The following SCLY variants were observed in gnomAD, a reference collection of about 807,000 sequenced individuals.
SCLY encodes the protein selenocysteine lyase, also known as putative selenocysteine lyase.
In SCLY, 38 loss-of-function variants were observed where a neutral mutation model predicts 50.1. That is an observed-to-expected ratio of 0.76 (90% CI 0.59 to 0.99). The LOEUF (loss-of-function observed/expected upper bound fraction) is 0.99, where lower values mean the gene tolerates loss of function less well. SCLY is among the 50% of genes least tolerant of loss of function. The pLI, the probability that SCLY is intolerant of heterozygous loss-of-function variation, is 0.00. For synonymous variants in SCLY, 243 were observed against 249.4 expected (o/e 0.97, Z 0.24); for missense variants, 600 against 620.0 (o/e 0.97, Z 0.34).
Position 238,069,238 on chromosome 2 carries a change from G to A in SCLY, c.304-59G>A, listed in dbSNP as rs1035373388. On this transcript the variant is annotated intron_variant, in intron 3 of 11. Transcript: ENST00000254663. This position sits in a 1 kb window ranked among gnomAD's most constrained non-coding sequence, Gnocchi z 5.0. ...AAGAAATTAAGTAACAGAAATTGTT[G>A]CTCTGACCCTTACCTCAGCACAGTT... The A allele has an allele frequency of 1.4e-5, 21 of 1,485,736 alleles. No homozygotes were observed. The African/African-American group carries it at 2.8e-4, about 20-fold the overall frequency. 92.0% of individuals were successfully genotyped at this position (1,485,736 alleles called of 1,614,324 possible).
Position 238,098,672 on chromosome 2 carries a change from C to CATGGGACCGCCCACATAGGA in SCLY, c.*317_*318insATGGGACCGCCCACATAGGA. On this transcript the variant is annotated 3_prime_UTR_variant, in exon 12 of 12. Coordinates refer to ENST00000254663, the MANE Select transcript of SCLY (RefSeq NM_016510.7). ...GGGACCGCCCACATAGAACCGTCCT[C>CATGGGACCGCCCACATAGGA]CAGTGGTGAAGCGGAAACACTTAGC... is the stretch of plus-strand genomic sequence containing the variant. 1 of 422,800 alleles carries CATGGGACCGCCCACATAGGA rather than the reference C, an allele frequency of 2.4e-6. No homozygotes were observed. Among genetic ancestry groups the CATGGGACCGCCCACATAGGA allele is most frequent in the Non-Finnish European group, 4.1e-6 (1 of 241,954 alleles). 26.2% of individuals were successfully genotyped at this position (422,800 alleles called of 1,614,324 possible).
intron 2 of SCLY, among the ~76,000 whole-genome samples, chr2:238,065,660 T>TTTATTA (rs61131460): frequency 0.028 from 4,058 of 143,464 alleles, 177 homozygotes; most frequent in African/African-American, 0.094. Flanking sequence ...AATATTTTAT[T>TTTATTA]TTATTATTAT....
At chr2:238,071,439 T>C (rs2065126585) in intron 4 of SCLY, among the ~76,000 whole-genome samples, 1 of 152,078 alleles carries the variant, frequency 6.6e-6, no homozygotes, top group Non-Finnish European at 1.5e-5. Flanking sequence ...ACCCCGTCTC[T>C]ACTAAAAATA....
chr2:238,094,671 A>C lies in SCLY; in HGVS notation c.1108+149A>C, dbSNP rs1390607153. On this transcript the variant is annotated intron_variant, in intron 10 of 11. Coordinates refer to ENST00000254663, the MANE Select transcript of SCLY (RefSeq NM_016510.7). ...GGGCCTTGCTGGGGTTGCCAAGAGC[A>C]GGCTCGGGTGGCTGTGCTGTGGTCC... is the stretch of plus-strand genomic sequence containing the variant. 2.0e-5 allele frequency: 13 copies of C among 665,208 alleles called. No homozygotes were observed. The East Asian group carries it at 3.5e-4, about 18-fold the overall frequency. The allele number at this position is 665,208 out of a possible 1,614,324, so 41.2% of individuals were successfully genotyped here. A position where few individuals can be genotyped will look rare whatever the true frequency, so the allele number is the denominator to read the frequency against.
In SCLY at chr2:238,067,754, C is replaced by T. The variant is rs2065083766; in HGVS notation, c.203-311C>T. Among the ~76,000 whole-genome samples, 1 of 152,254 alleles carries T rather than the reference C, an allele frequency of 6.6e-6. No homozygotes were observed. Among genetic ancestry groups the T allele is most frequent in the Non-Finnish European group, 1.5e-5 (1 of 68,042 alleles). On this transcript the variant is annotated intron_variant, in intron 2 of 11. Coordinates refer to ENST00000254663, the MANE Select transcript of SCLY (RefSeq NM_016510.7). This position sits in a 1 kb window ranked among gnomAD's most constrained non-coding sequence, Gnocchi z 4.3. ...GCAGATGGCCACAGCTGCCCTCCCTCTAGCATCCAGTAAGAAGAAAGCCAC... is the reference window on the plus strand; with the variant it reads ...GCAGATGGCCACAGCTGCCCTCCCTTTAGCATCCAGTAAGAAGAAAGCCAC...
chr2:238,092,699 A>C (rs533701410), intron 8 of SCLY: 5 of 152,808 alleles, frequency 3.3e-5, no homozygotes, highest in African/African-American at 1.2e-4. Flanking sequence ...CAGCCACAGC[A>C]CCACACCCCC....
chr2:238,083,856 C>T lies in SCLY; in HGVS notation c.884+502C>T, dbSNP rs1346934442. On this transcript the variant is annotated intron_variant, in intron 7 of 11. Coordinates refer to ENST00000254663, the MANE Select transcript of SCLY (RefSeq NM_016510.7). This position sits in a 1 kb window ranked among gnomAD's most constrained non-coding sequence, Gnocchi z 4.3. ...AACAGGAACAGCATGGTGGTGAGTT[C>T]CTGGGTTTTCTTTTCACCTTGTGTA... Among the ~76,000 whole-genome samples, 1 of 152,166 alleles carries T rather than the reference C, an allele frequency of 6.6e-6. No homozygotes were observed. Among genetic ancestry groups the T allele is most frequent in the African/African-American group, 2.4e-5 (1 of 41,420 alleles).
At chr2:238,091,586 C>T (rs1316593006) in intron 8 of SCLY, 4 of 339,472 alleles carry the variant, frequency 1.2e-5, no homozygotes, top group East Asian at 1.3e-4. Context: ...GCACCATCGA[C>T]GTTCTGTCCC....
Position 238,082,147 on chromosome 2 carries a change from G to C in SCLY, c.715G>C (p.Gly239Arg), listed in dbSNP as rs773779138. The C allele has an allele frequency of 3.1e-6, 5 of 1,612,650 alleles. No homozygotes were observed. The highest frequency in any genetic ancestry group is 4.2e-6 in the Non-Finnish European group (5 of 1,180,010). ...GCACACGGATGCTGCACAGGCCTTGGGGAAGCAGCGCGTGGATGTGGAGGA... is the reference window on the plus strand; with the variant it reads ...GCACACGGATGCTGCACAGGCCTTGCGGAAGCAGCGCGTGGATGTGGAGGA... ...LVHTDAAQAL[G>R]KQRVDVEDLG... is the part of the protein sequence containing the mutation. The change falls in exon 6 of 12, where the codon GGG (glycine) becomes CGG (arginine). Residue 239 changes from glycine to arginine, a missense_variant. Physicochemically the swap from Gly to Arg is moderately radical, Grantham distance 125. Coordinates refer to ENST00000254663, the MANE Select transcript of SCLY (RefSeq NM_016510.7).
At chr2:238,091,559 A>ATCTACACGAC in intron 8 of SCLY, 1 of 322,636 alleles carries the variant, frequency 3.1e-6, no homozygotes, top group Non-Finnish European at 5.9e-6. Context: ...CCATTCCCAA[A>ATCTACACGAC]GGCGTCGGCA....
rs1302511597 is a variant in SCLY at position 238,061,125 on chromosome 2, AAC to A, written c.75_76del (p.His25GlnfsTer12). 2.1e-6 allele frequency: 3 copies of A among 1,462,606 alleles called. No homozygotes were observed. The highest frequency in any genetic ancestry group is 2.7e-6 in the Non-Finnish European group (3 of 1,113,760). The allele number at this position is 1,462,606 out of a possible 1,614,324, so 90.6% of individuals were successfully genotyped here. A position where few individuals can be genotyped will look rare whatever the true frequency, so the allele number is the denominator to read the frequency against. On this transcript the variant is annotated frameshift_variant, in exon 1 of 12. Transcript: ENST00000254663. LOFTEE classifies it high-confidence loss of function. Reference sequence around the variant, plus strand: ...GCGAGTCAGCCCAGCGGCTGCGGGAAACACAACTCGCCGGAGAGGTGCGCGCC... The same window carrying A: ...GCGAGTCAGCCCAGCGGCTGCGGGAAACAACTCGCCGGAGAGGTGCGCGCC...
intron 2 of SCLY, among the ~76,000 whole-genome samples, chr2:238,065,516 C>T (rs1369479758): frequency 6.6e-6 from 1 of 151,994 alleles, no homozygotes; most frequent in African/African-American, 2.4e-5. Context: ...GCCTTTGTTT[C>T]CACAAATTAA....
At position 238,097,319 on chromosome 2, in the gene SCLY, C is replaced by A. The variant is rs991414079; in HGVS notation, c.1184+443C>A. Among the ~76,000 whole-genome samples the A allele has an allele frequency of 2.6e-5, 4 of 152,150 alleles. No individual in the cohort carries two copies. In the East Asian group the frequency reaches 5.8e-4, roughly 22 times the overall value. On this transcript the variant is annotated intron_variant, in intron 11 of 11. Coordinates refer to ENST00000254663, the MANE Select transcript of SCLY (RefSeq NM_016510.7). ...CAGCAGAGATTCTCAGATAGCAGGG[C>A]CCGGGTGAGCGGGTGGGCTGCCTGG...
chr2:238,082,960 A>T, intron 6 of SCLY: 3 of 382,662 alleles, frequency 7.8e-6, no homozygotes, highest in South Asian at 2.8e-5. Context: ...ATGATTTGAG[A>T]TCCTTTTACA....
chr2:238,094,539 C>T lies in SCLY; in HGVS notation c.1108+17C>T. 1.3e-6 allele frequency: 2 copies of T among 1,595,832 alleles called. No homozygotes were observed. The highest frequency in any genetic ancestry group is 1.7e-6 in the Non-Finnish European group (2 of 1,163,406). On this transcript the variant is annotated intron_variant, in intron 10 of 11. Transcript: ENST00000254663. Reference sequence around the variant, plus strand: ...GGCTTCAAGGTGATGGCCCCTCACCCTGGTCTTTCCGAGTGTGAGCACAGC... The same window carrying T: ...GGCTTCAAGGTGATGGCCCCTCACCTTGGTCTTTCCGAGTGTGAGCACAGC...
chr2:238,091,949 A>AGATGT, intron 8 of SCLY: 1 of 152,772 alleles, frequency 6.5e-6, no homozygotes, highest in Non-Finnish European at 1.5e-5. Flanking sequence ...TGTCGGCCTC[A>AGATGT]GTATCCCCAG....
Position 238,099,044 on chromosome 2 carries a change from C to G in SCLY, c.*689C>G. 2.9e-6 allele frequency: 1 copy of G among 348,990 alleles called. No individual in the cohort carries two copies. Among genetic ancestry groups the G allele is most frequent in the East Asian group, 7.8e-5 (1 of 12,786 alleles). The allele number at this position is 348,990 out of a possible 1,614,324, so 21.6% of individuals were successfully genotyped here. On this transcript the variant is annotated 3_prime_UTR_variant, in exon 12 of 12. Coordinates refer to ENST00000254663, the MANE Select transcript of SCLY (RefSeq NM_016510.7). ...TTCCCCGAGCCTGACCCTGTTCCGC[C>G]CACTGGCAATCAGGGCTGCGCACTT...
chr2:238,091,330 G>C (rs752829870), intron 8 of SCLY, 76 bp downstream of exon 8: 2 of 1,159,274 alleles, frequency 1.7e-6, no homozygotes, highest in Admixed American at 3.4e-5. Context: ...GTAGGAATCT[G>C]GGGCTTTAGG....
intron 7 of SCLY, among the ~76,000 whole-genome samples, chr2:238,085,272 C>T (rs1330836628): frequency 6.6e-6 from 1 of 151,844 alleles, no homozygotes; most frequent in Non-Finnish European, 1.5e-5. Context: ...AAAAGAAGAA[C>T]CAAATGGAAA....
Sources: allele counts gnomAD v4.1 joint callset (sites outside exome capture counted in the v4.1 genomes callset), GRCh38; gene constraint gnomAD v4.1.1; non-coding constraint Gnocchi (gnomAD v3.1); transcripts MANE v1.5; gene names NCBI Gene and HGNC (gene_info 2026-07-23, HGNC 2026-07-21).